Variants in LRGUK observed in about 807,000 individuals in gnomAD.
LRGUK encodes leucine-rich repeat and guanylate kinase domain-containing protein.
In LRGUK, 65 loss-of-function variants were observed where a neutral mutation model predicts 76.0. That is an observed-to-expected ratio of 0.85 (90% CI 0.70 to 1.05). LRGUK has a LOEUF of 1.05. LRGUK is among the 50% of genes least tolerant of loss of function. The pLI is 0.00. For missense variants in LRGUK, 758 were observed against 732.8 expected, an observed-to-expected ratio of 1.03 and a Z score of -0.40; for synonymous variants, 268 against 265.6, an observed-to-expected ratio of 1.01 and a Z score of -0.09.
At chr7:134,157,428 C>T (rs898241212) in intron 5 of LRGUK, among the ~76,000 whole-genome samples, 1 of 152,150 alleles carries the variant, frequency 6.6e-6, no homozygotes, top group Non-Finnish European at 1.5e-5. Flanking sequence ...CTTAACTGAT[C>T]GAGGGAAAAC....
chr7:134,259,034 C>G (rs1036542153), intron 19 of LRGUK, among the ~76,000 whole-genome samples: 2 of 152,134 alleles, frequency 1.3e-5, no homozygotes, highest in African/African-American at 4.8e-5. Context: ...GAGGTAGACT[C>G]CATTCAATGA....
intron 10 of LRGUK, among the ~76,000 whole-genome samples, chr7:134,182,578 A>G (rs1169302274): frequency 2.0e-5 from 3 of 152,212 alleles, no homozygotes; most frequent in Admixed American, 6.5e-5. Flanking sequence ...TTGAAAAACT[A>G]TGCTGTTTCA....
At chr7:134,238,355 C>T (rs1802061152) in intron 16 of LRGUK, among the ~76,000 whole-genome samples, 1 of 152,088 alleles carries the variant, frequency 6.6e-6, no homozygotes, top group Non-Finnish European at 1.5e-5. Flanking sequence ...GTCAAGGATG[C>T]CTGTTGTCTG....
chr7:134,213,194 G>A (rs540939754), downstream of LRGUK, among the ~76,000 whole-genome samples: 53 of 152,290 alleles, frequency 3.5e-4, no homozygotes, highest in Non-Finnish European at 7.1e-4. Flanking sequence ...CTACACCGAA[G>A]AGCTTGGAAA....
intron 12 of LRGUK, among the ~76,000 whole-genome samples, chr7:134,196,126 T>A (rs1800475690): frequency 6.6e-6 from 1 of 152,206 alleles, no homozygotes; most frequent in South Asian, 2.1e-4. Context: ...CACTTCATTG[T>A]TTATTTCAAA....
intron 5 of LRGUK, among the ~76,000 whole-genome samples, chr7:134,154,523 C>T (rs954045761): frequency 6.6e-6 from 1 of 152,184 alleles, no homozygotes; most frequent in African/African-American, 2.4e-5. Flanking sequence ...GCTGTTGTAT[C>T]ACTGTAGAAA....
intron 11 of LRGUK, among the ~76,000 whole-genome samples, chr7:134,187,866 C>G (rs182287856): frequency 7.9e-4 from 121 of 152,286 alleles, no homozygotes; most frequent in African/African-American, 2.9e-3. Flanking sequence ...TATTTTATAG[C>G]CATCTCTATT....
chr7:134,135,813 A>G (rs1002120976), intron 1 of LRGUK, among the ~76,000 whole-genome samples: 2 of 152,128 alleles, frequency 1.3e-5, no homozygotes, highest in Admixed American at 6.5e-5. Flanking sequence ...CCGCCACCAC[A>G]TCCGGCTAAT....
chr7:134,164,325 G>T (rs1480711916), intron 7 of LRGUK, among the ~76,000 whole-genome samples: 1 of 152,066 alleles, frequency 6.6e-6, no homozygotes, highest in Non-Finnish European at 1.5e-5. Flanking sequence ...AAGAGAAGAG[G>T]CACAGGAAGG....
intron 13 of LRGUK, among the ~76,000 whole-genome samples, chr7:134,197,719 CCT>C (rs1316291217): frequency 6.6e-6 from 1 of 152,022 alleles, no homozygotes; most frequent in Admixed American, 6.6e-5. Flanking sequence ...ACCCTGATAC[CCT>C]GTCTTCCCCC....
At chr7:134,230,790 A>G (rs1461753811) in intron 16 of LRGUK, among the ~76,000 whole-genome samples, 1 of 152,232 alleles carries the variant, frequency 6.6e-6, no homozygotes, top group African/African-American at 2.4e-5. Context: ...GCAATATTAA[A>G]CCACAGTATT....
intron 16 of LRGUK, among the ~76,000 whole-genome samples, chr7:134,246,481 G>A (rs183464070): frequency 1.5e-3 from 226 of 152,300 alleles, no homozygotes; most frequent in African/African-American, 5.1e-3. Flanking sequence ...CTAAAGACAC[G>A]CAAGCAAACA....
rs550970428 is a variant in LRGUK, at chr7:134,245,124, A to G, written c.1984-2432A>G. Among the ~76,000 whole-genome samples the G allele has an allele frequency of 5.9e-5, 9 of 152,334 alleles. No individual in the cohort carries two copies. In the South Asian group the frequency reaches 1.9e-3, roughly 32 times the overall value. Reference sequence around the variant, plus strand: ...TGGGTGCAGCACACCAACATGGCACATGTATACATATGTAACAAACCTGCA... The same window carrying G: ...TGGGTGCAGCACACCAACATGGCACGTGTATACATATGTAACAAACCTGCA... On this transcript the variant is annotated intron_variant, in intron 16 of 19. Transcript: ENST00000285928.
intron 11 of LRGUK, among the ~76,000 whole-genome samples, chr7:134,188,325 A>G (rs186401928): frequency 1.3e-5 from 2 of 152,306 alleles, no homozygotes; most frequent in African/African-American, 4.8e-5. Context: ...AGCTTGAACT[A>G]TCAAGGGAGA....
At chr7:134,158,004 C>T (rs1388267078) in intron 5 of LRGUK, 31 bp from the exon 6 acceptor site, 4 of 1,582,222 alleles carry the variant, frequency 2.5e-6, no homozygotes, top group South Asian at 1.1e-5. Flanking sequence ...CTTTTAATAA[C>T]ATTTTCCTTA....
chr7:134,214,602 G>A (rs541869160), downstream of LRGUK, among the ~76,000 whole-genome samples: 2 of 152,248 alleles, frequency 1.3e-5, no homozygotes, highest in South Asian at 4.1e-4. Flanking sequence ...ACTATTTATT[G>A]CGTAGTAAGT....
the LRGUK span, among the ~76,000 whole-genome samples, chr7:134,273,510 A>ATTT: frequency 1.5e-3 from 221 of 148,306 alleles, 2 homozygotes; most frequent in African/African-American, 5.1e-3. Flanking sequence ...CAGGCATTGC[A>ATTT]CTTTTTTTTT....
chr7:134,205,631 C>A (rs141561946), intron 15 of LRGUK, among the ~76,000 whole-genome samples: 1 of 152,200 alleles, frequency 6.6e-6, no homozygotes, highest in African/African-American at 2.4e-5. Flanking sequence ...ATTTATGATT[C>A]TGTGAAAGAC....
intron 1 of LRGUK, among the ~76,000 whole-genome samples, chr7:134,128,340 G>C (rs1052964675): frequency 2.6e-5 from 4 of 152,122 alleles, no homozygotes; most frequent in Admixed American, 2.0e-4. Flanking sequence ...GCGGCTTCGC[G>C]TTTCACATGA....
Sources: allele counts gnomAD v4.1 joint callset (sites outside exome capture counted in the v4.1 genomes callset), GRCh38; gene constraint gnomAD v4.1.1; transcripts MANE v1.5; gene names NCBI Gene and HGNC (gene_info 2026-07-23, HGNC 2026-07-21).